The following PCDHA11 variants were observed in gnomAD, a reference collection of about 807,000 sequenced individuals.
PCDHA11 encodes protocadherin alpha-11.
Under a neutral mutation model 70.3 loss-of-function variants are expected in PCDHA11, and 61 were observed. That is an observed-to-expected ratio of 0.87 (90% CI 0.71 to 1.07). PCDHA11 has a LOEUF of 1.07. Ranked by LOEUF, PCDHA11 falls within the 50% of genes least tolerant of loss-of-function variation. The pLI is 0.00. For synonymous variants in PCDHA11, 633 were observed against 555.1 expected (o/e 1.14, Z -1.97); for missense variants, 1,324 against 1,237.5 (o/e 1.07, Z -1.05).
chr5:140,938,979 C>T (rs1485638673), intron 1 of PCDHA11, among the ~76,000 whole-genome samples: 2 of 152,158 alleles, frequency 1.3e-5, no homozygotes, highest in Non-Finnish European at 2.9e-5. Flanking sequence ...TCAAGGCTAT[C>T]CTGGCTTTAT....
chr5:140,927,886 G>C, intron 1 of PCDHA11: 1 of 1,614,210 alleles, frequency 6.2e-7, no homozygotes, highest in Non-Finnish European at 8.5e-7. Flanking sequence ...GGAGGTGACT[G>C]ACGTGAACGA....
chr5:140,983,059 C>G (rs1325414567), intron 3 of PCDHA11, among the ~76,000 whole-genome samples: 1 of 151,980 alleles, frequency 6.6e-6, no homozygotes, highest in African/African-American at 2.4e-5. Flanking sequence ...TTATCGGAAC[C>G]AAGGCATTGT....
At chr5:140,897,412 C>T (rs1304528785) in intron 1 of PCDHA11, among the ~76,000 whole-genome samples, 1 of 143,354 alleles carries the variant, frequency 7.0e-6, no homozygotes, top group Non-Finnish European at 1.5e-5. Context: ...TTGTTCAATT[C>T]CCATCTATGA....
chr5:140,990,055 C>T (rs1563562429), intron 3 of PCDHA11, among the ~76,000 whole-genome samples: 2 of 151,866 alleles, frequency 1.3e-5, no homozygotes, highest in Non-Finnish European at 1.5e-5. Context: ...GATGGTAATA[C>T]TTAAAGGAAA....
At chr5:140,948,098 AT>A (rs1400798416) in intron 1 of PCDHA11, among the ~76,000 whole-genome samples, 2 of 151,502 alleles carry the variant, frequency 1.3e-5, no homozygotes, top group African/African-American at 4.8e-5. Flanking sequence ...TGAGCATATG[AT>A]TTTTCTTCGT....
intron 3 of PCDHA11, among the ~76,000 whole-genome samples, chr5:140,986,987 G>A (rs1269328331): frequency 2.6e-5 from 4 of 152,114 alleles, no homozygotes; most frequent in Non-Finnish European, 4.4e-5. Flanking sequence ...GCCAAGGCAG[G>A]CAGATCACTT....
At chr5:140,958,923 T>C (rs535689053) in intron 1 of PCDHA11, among the ~76,000 whole-genome samples, 1 of 148,814 alleles carries the variant, frequency 6.7e-6, no homozygotes, top group South Asian at 2.1e-4. Flanking sequence ...CTGGGTGTGG[T>C]GGCTCATACT....
chr5:140,871,192 G>GTGTACC lies in PCDHA11; in HGVS notation c.2092_2097dup (p.Tyr698_Leu699dup), dbSNP rs1171954428. 2.5e-5 allele frequency: 40 copies of GTGTACC among 1,613,550 alleles called. No homozygotes were observed. Among genetic ancestry groups the GTGTACC allele is most frequent in the Non-Finnish European group, 3.1e-5 (37 of 1,179,952 alleles). ...AGAGGCTGCGCTGGTGGATGTCAAC[G>GTGTACC]TGTACCTGATCATCGCCATCTGCGT... On this transcript the variant is annotated inframe_insertion, in exon 1 of 4. Coordinates refer to ENST00000398640, the MANE Select transcript of PCDHA11 (RefSeq NM_018902.5).
chr5:140,917,999 A>T (rs1292582356), intron 1 of PCDHA11, among the ~76,000 whole-genome samples: 2 of 152,162 alleles, frequency 1.3e-5, no homozygotes, highest in African/African-American at 4.8e-5. Context: ...GGTTATCTTA[A>T]CAATGTTGTT....
At chr5:140,887,254 G>A (rs924715341) in intron 1 of PCDHA11, among the ~76,000 whole-genome samples, 4 of 151,790 alleles carry the variant, frequency 2.6e-5, no homozygotes, top group Admixed American at 2.0e-4. Context: ...CCGCCACCAC[G>A]CCCTGCTAAT....
intron 1 of PCDHA11, among the ~76,000 whole-genome samples, chr5:140,888,358 C>T (rs2061801167): frequency 6.6e-6 from 1 of 152,178 alleles, no homozygotes; most frequent in Non-Finnish European, 1.5e-5. Flanking sequence ...TTGCTACTGG[C>T]ATCTAATAAT....
At position 140,983,206 on chromosome 5, in the gene PCDHA11, C is replaced by G. The variant is rs184479967; in HGVS notation, c.2539+643C>G. 1.8e-3 allele frequency among the ~76,000 whole-genome samples: 271 copies of G among 152,316 alleles called. 2 individuals are homozygous for G. Among genetic ancestry groups the G allele is most frequent in the South Asian group, 2.5e-3 (12 of 4,822 alleles). On this transcript the variant is annotated intron_variant, in intron 3 of 3. Transcript: ENST00000398640. ...TCTTAGTTTAGAGGGATAATAGGGA[C>G]TATTTCCTAATCCAAACTTTCAGGA...
intron 1 of PCDHA11, among the ~76,000 whole-genome samples, chr5:140,923,034 C>T (rs1252133915): frequency 6.6e-6 from 1 of 152,174 alleles, no homozygotes; most frequent in Non-Finnish European, 1.5e-5. Context: ...TCTATTACTA[C>T]ATGTATAGTA....
intron 1 of PCDHA11, among the ~76,000 whole-genome samples, chr5:140,911,590 C>A (rs778543832): frequency 3.3e-5 from 5 of 152,156 alleles, no homozygotes; most frequent in Non-Finnish European, 4.4e-5. Context: ...TAGGAGGAAC[C>A]AACCAACTTC....
At chr5:140,982,296 C>A in intron 2 of PCDHA11, 179 bp from the exon 3 acceptor site, 1 of 1,167,132 alleles carries the variant, frequency 8.6e-7, no homozygotes, top group Non-Finnish European at 1.2e-6. Flanking sequence ...AGTAAGTCAG[C>A]AATGCTTCTG....
At position 140,871,242 on chromosome 5, in the gene PCDHA11, G is replaced by A; in HGVS notation, c.2139G>A (p.Thr713=). ...TGGTGTCCAGCCTCCTGGTACTCAC[G>A]CTGCTGCTGTATACGGCGCTGTGGT... The part of the protein sequence containing the change: ...ICVVSSLLVL[T]LLLYTALWWS... Residue 713 remains threonine (T), a synonymous_variant, in exon 1 of 4, where the codon ACG becomes ACA. Transcript: ENST00000398640. 1.2e-6 allele frequency: 2 copies of A among 1,613,980 alleles called. No individual in the cohort carries two copies. The highest frequency in any genetic ancestry group is 8.5e-7 in the Non-Finnish European group (1 of 1,179,948).
At chr5:140,876,324 T>A in intron 1 of PCDHA11, 1 of 1,614,000 alleles carries the variant, frequency 6.2e-7, no homozygotes, top group Non-Finnish European at 8.5e-7. Context: ...TCAAAATGAT[T>A]TTGCCAGTGA....
intron 1 of PCDHA11, chr5:140,967,272 T>A: frequency 1.2e-6 from 2 of 1,613,412 alleles, no homozygotes; most frequent in Non-Finnish European, 1.7e-6. Context: ...CGCTTTCACA[T>A]AGAGAGTGCG....
chr5:140,977,750 G>A (rs2096773664), intron 1 of PCDHA11, among the ~76,000 whole-genome samples: 1 of 152,142 alleles, frequency 6.6e-6, no homozygotes, highest in South Asian at 2.1e-4. Context: ...GAAGAAATGT[G>A]TTTATTAAAT....
Sources: gnomAD v4.1 joint callset for allele counts (sites outside exome capture counted in the v4.1 genomes callset) on GRCh38, gnomAD v4.1.1 for gene constraint, MANE v1.5 for transcripts, NCBI Gene and HGNC (gene_info 2026-07-23, HGNC 2026-07-21) for gene names.